The following TRPM1 variants were observed in gnomAD, a reference collection of about 807,000 sequenced individuals.
The protein encoded by TRPM1 is TRPM1-203 APA Isoform, Intron 10.
Under a neutral mutation model 149.4 loss-of-function variants are expected in TRPM1, and 113 were observed. The observed-to-expected ratio is 0.76, with a 90% CI of 0.65 to 0.88. The LOEUF (loss-of-function observed/expected upper bound fraction) is 0.88, where lower values mean the gene tolerates loss of function less well. Among genes scored for constraint, TRPM1 ranks in the 40% least tolerant of loss-of-function variants. The pLI is 0.00. For missense variants in TRPM1, 1,976 were observed against 2,038.7 expected (o/e 0.97, Z 0.59); for synonymous variants, 741 against 759.5 (o/e 0.98, Z 0.40).
At chr15:31,119,753 A>C (rs2035852074) in intron 1 of TRPM1, among the ~76,000 whole-genome samples, 1 of 152,224 alleles carries the variant, frequency 6.6e-6, no homozygotes, top group African/African-American at 2.4e-5. Context: ...ATACTCTGCC[A>C]TAAACTACTT....
At chr15:31,028,582 T>G in intron 24 of TRPM1, 106 bp from the exon 25 acceptor site, 2 of 1,334,322 alleles carry the variant, frequency 1.5e-6, no homozygotes, top group Non-Finnish European at 1.0e-6. Context: ...ATATGATTCT[T>G]TCTTATTTCA....
chr15:31,113,823 G>C (rs950439323), intron 1 of TRPM1, among the ~76,000 whole-genome samples: 1 of 152,152 alleles, frequency 6.6e-6, no homozygotes, highest in Non-Finnish European at 1.5e-5. Flanking sequence ...AAGATTTATT[G>C]TGAAGATGTG....
intron 3 of TRPM1, among the ~76,000 whole-genome samples, chr15:31,072,018 T>TATATATATAG (rs1400392427): frequency 2.7e-5 from 1 of 36,898 alleles, no homozygotes; most frequent in East Asian, 1.2e-3. Flanking sequence ...TATATATATA[T>TATATATATAG]AGAGAGAGAG....
chr15:31,066,460 C>T (rs1384326224), intron 6 of TRPM1, among the ~76,000 whole-genome samples: 4 of 152,056 alleles, frequency 2.6e-5, no homozygotes, highest in Non-Finnish European at 4.4e-5. Flanking sequence ...GCAATTGCAC[C>T]CCTGGCATTT....
intron 14 of TRPM1, among the ~76,000 whole-genome samples, chr15:31,047,632 C>T (rs529250854): frequency 5.3e-5 from 8 of 152,188 alleles, no homozygotes; most frequent in Admixed American, 1.3e-4. Context: ...ACCCAGTGGC[C>T]GCCCTGGCCT....
At chr15:31,154,601 CTT>C (rs1282385342) in intron 1 of TRPM1, among the ~76,000 whole-genome samples, 1 of 152,204 alleles carries the variant, frequency 6.6e-6, no homozygotes, top group African/African-American at 2.4e-5. Flanking sequence ...TATAACAGCC[CTT>C]TCCCAAAGCC....
chr15:31,082,776 G>A (rs759921500), intron 1 of TRPM1, among the ~76,000 whole-genome samples: 5 of 152,216 alleles, frequency 3.3e-5, no homozygotes, highest in East Asian at 1.9e-4. Context: ...TTGCTCAGGT[G>A]CACGTTGTCA....
rs1364851709 is a variant in TRPM1, at chr15:31,002,644, T to A, written c.4056A>T (p.Thr1352=). The A allele has an allele frequency of 5.0e-6, 8 of 1,614,256 alleles. No individual in the cohort carries two copies. Among genetic ancestry groups the A allele is most frequent in the Non-Finnish European group, 6.8e-6 (8 of 1,180,048 alleles). The change falls in exon 28 of 28, where the codon ACA becomes ACT. Residue 1352 remains threonine, a synonymous_variant. Coordinates refer to ENST00000256552, the MANE Select transcript of TRPM1 (RefSeq NM_001252024.2). ...TGCCATCTGGGGTTGCTGATGTGCTTGTGCCCAGTGAAAGGTGAAGACTGT... is the reference window on the plus strand; with the variant it reads ...TGCCATCTGGGGTTGCTGATGTGCTAGTGCCCAGTGAAAGGTGAAGACTGT... ...CQNSLHLSLG[T]STSATPDGSH... is the part of the protein sequence containing the mutation.
intron 1 of TRPM1, among the ~76,000 whole-genome samples, chr15:31,118,441 A>G (rs561231544): frequency 2.6e-5 from 4 of 152,296 alleles, no homozygotes; most frequent in African/African-American, 9.6e-5. Flanking sequence ...ATTAAGCATG[A>G]TAAATACCAA....
At chr15:31,009,863 G>A (rs2032120011) in intron 27 of TRPM1, among the ~76,000 whole-genome samples, 1 of 151,728 alleles carries the variant, frequency 6.6e-6, no homozygotes, top group African/African-American at 2.4e-5. Flanking sequence ...TTTATTTTTT[G>A]GTAAAATTTT....
chr15:31,116,765 G>A (rs896905152), intron 1 of TRPM1, among the ~76,000 whole-genome samples: 3 of 143,104 alleles, frequency 2.1e-5, no homozygotes, highest in African/African-American at 6.1e-5. Flanking sequence ...AGATAACAGA[G>A]AGAGAGAAAA....
intron 1 of TRPM1, among the ~76,000 whole-genome samples, chr15:31,149,581 G>A (rs1596103553): frequency 2.7e-5 from 4 of 148,394 alleles, no homozygotes; most frequent in South Asian, 4.3e-4. Flanking sequence ...CTGCAGTGGC[G>A]CGATCTTGGC....
chr15:31,044,409 A>T (rs1350326571), intron 16 of TRPM1, among the ~76,000 whole-genome samples: 1 of 152,240 alleles, frequency 6.6e-6, no homozygotes, highest in Non-Finnish European at 1.5e-5. Context: ...TTGCTTGATA[A>T]AGCAAAAATA....
chr15:31,043,549 A>G (rs1255587563), intron 16 of TRPM1, among the ~76,000 whole-genome samples: 3 of 152,158 alleles, frequency 2.0e-5, no homozygotes, highest in Non-Finnish European at 4.4e-5. Context: ...TTAATGGAAA[A>G]TATAGTATCT....
intron 26 of TRPM1, 32 bp downstream of exon 26, chr15:31,026,883 C>T (rs959178938): frequency 1.1e-5 from 17 of 1,606,968 alleles, no homozygotes; most frequent in Non-Finnish European, 1.4e-5. Context: ...TTGAAATCAG[C>T]CCAACTTAGA....
intron 27 of TRPM1, among the ~76,000 whole-genome samples, chr15:31,009,176 G>T (rs1170966327): frequency 6.6e-6 from 1 of 151,428 alleles, no homozygotes; most frequent in Non-Finnish European, 1.5e-5. Flanking sequence ...GTAATTCTGG[G>T]TTGATCATTT....
chr15:31,036,796 C>G (rs996670196), intron 20 of TRPM1, among the ~76,000 whole-genome samples: 5 of 152,224 alleles, frequency 3.3e-5, no homozygotes, highest in Non-Finnish European at 7.3e-5. Context: ...TCAATCTTGG[C>G]TGCCACAAGG....
chr15:31,042,184 G>A lies in TRPM1; in HGVS notation c.1854C>T (p.Ile618=), dbSNP rs759540459. 2.5e-6 allele frequency: 4 copies of A among 1,613,488 alleles called. No individual in the cohort carries two copies. The South Asian group carries it at 3.3e-5, about 13-fold the overall frequency. The change falls in exon 17 of 28, where the codon ATC becomes ATT. Residue 618 remains isoleucine (I), a synonymous_variant. Transcript: ENST00000256552. Reference sequence around the variant, plus strand: ...CGGCAGGGTCGTCCACATCAATGTCGATCTCTTCCTCCTTTTTCTTCTTTT... The same window carrying A: ...CGGCAGGGTCGTCCACATCAATGTCAATCTCTTCCTCCTTTTTCTTCTTTT... ...KKKKKKKEEE[I]DIDVDDPAVS... is the part of the protein sequence containing the mutation.
rs2031763418 is a variant in TRPM1 at position 31,001,580 on chromosome 15, G to A, written c.*242C>T. 1.7e-6 allele frequency: 1 copy of A among 579,628 alleles called. No individual in the cohort carries two copies. 35.9% of individuals were successfully genotyped at this position (579,628 alleles called of 1,614,324 possible). A position where few individuals can be genotyped will look rare whatever the true frequency, so the allele number is the denominator to read the frequency against. The stretch of plus-strand genomic sequence containing the variant: ...ATTGTATAATCTTGTATACTGATTA[G>A]CCAATTTATCTTCGTTACAGTATCA... On this transcript the variant is annotated 3_prime_UTR_variant, in exon 28 of 28. Coordinates refer to ENST00000256552, the MANE Select transcript of TRPM1 (RefSeq NM_001252024.2).
Sources: gnomAD v4.1 joint callset for allele counts (sites outside exome capture counted in the v4.1 genomes callset) on GRCh38, gnomAD v4.1.1 for gene constraint, MANE v1.5 for transcripts, NCBI Gene and HGNC (gene_info 2026-07-23, HGNC 2026-07-21) for gene names.